The following CBLB variants were observed in gnomAD, a reference collection of about 807,000 sequenced individuals.
CBLB encodes E3 ubiquitin-protein ligase CBL-B.
A neutral mutation model predicts 104.9 loss-of-function variants in CBLB; 31 were observed. That is an observed-to-expected ratio of 0.30 (90% CI 0.22 to 0.40). CBLB has a LOEUF of 0.40. Among genes scored for constraint, CBLB ranks in the 10% least tolerant of loss-of-function variants. CBLB has a pLI of 1.00. For synonymous variants in CBLB, 440 were observed against 422.6 expected, an observed-to-expected ratio of 1.04 and a Z score of -0.51; for missense variants, 1,062 against 1,214.6, an observed-to-expected ratio of 0.87 and a Z score of 1.87.
intron 13 of CBLB, among the ~76,000 whole-genome samples, chr3:105,686,252 G>A (rs770225043): frequency 6.6e-6 from 1 of 152,034 alleles, no homozygotes; most frequent in Non-Finnish European, 1.5e-5. Flanking sequence ...AATGTTTTTC[G>A]TAACTGTTGC....
At chr3:105,835,312 T>C (rs2088293315) in intron 3 of CBLB, among the ~76,000 whole-genome samples, 1 of 152,176 alleles carries the variant, frequency 6.6e-6, no homozygotes, top group Non-Finnish European at 1.5e-5. Context: ...AACTGGATGT[T>C]GAATGATGTG....
chr3:105,783,195 A>G (rs2080505965), intron 3 of CBLB, among the ~76,000 whole-genome samples: 2 of 152,324 alleles, frequency 1.3e-5, no homozygotes, highest in Admixed American at 6.5e-5. Context: ...AAGATAAAGA[A>G]AAGGTTACTT....
intron 3 of CBLB, among the ~76,000 whole-genome samples, chr3:105,814,300 ATCAATATACC>A (rs2084717208): frequency 6.6e-6 from 1 of 152,224 alleles, no homozygotes; most frequent in Non-Finnish European, 1.5e-5. Context: ...AAGAGGATTT[ATCAATATACC>A]TAAATCATTA....
At chr3:105,783,119 T>C (rs1482457125) in intron 3 of CBLB, among the ~76,000 whole-genome samples, 1 of 152,242 alleles carries the variant, frequency 6.6e-6, no homozygotes, top group Non-Finnish European at 1.5e-5. Flanking sequence ...TTTTCTAGTA[T>C]CTTACATATT....
intron 9 of CBLB, among the ~76,000 whole-genome samples, chr3:105,721,835 T>C (rs2072879710): frequency 6.6e-6 from 1 of 152,058 alleles, no homozygotes; most frequent in Admixed American, 6.6e-5. Flanking sequence ...AAAAAGAGTA[T>C]TAAATTTAAA....
At chr3:105,780,660 GTTTTT>G (rs58640968) in intron 3 of CBLB, among the ~76,000 whole-genome samples, 4 of 94,036 alleles carry the variant, frequency 4.3e-5, no homozygotes, top group East Asian at 3.5e-4. Flanking sequence ...TTTGTTTTTT[GTTTTT>G]TTTTTTTTTT....
At chr3:105,841,243 C>A (rs1349499474) in intron 3 of CBLB, among the ~76,000 whole-genome samples, 1 of 149,668 alleles carries the variant, frequency 6.7e-6, no homozygotes, top group Non-Finnish European at 1.5e-5. Flanking sequence ...TTGCAGTGAG[C>A]CGAGATCGTG....
intron 3 of CBLB, among the ~76,000 whole-genome samples, chr3:105,844,568 TG>T (rs2089998842): frequency 6.6e-6 from 1 of 152,224 alleles, no homozygotes; most frequent in African/African-American, 2.4e-5. Context: ...AGCACATCTA[TG>T]AACCATTGAT....
At chr3:105,856,618 A>C (rs1047448852) in intron 2 of CBLB, among the ~76,000 whole-genome samples, 3 of 152,082 alleles carry the variant, frequency 2.0e-5, no homozygotes, top group Admixed American at 2.0e-4. Context: ...GTTTGATTGT[A>C]TTATTTCCTT....
intron 3 of CBLB, among the ~76,000 whole-genome samples, chr3:105,792,200 C>A (rs2081740307): frequency 6.6e-6 from 1 of 152,116 alleles, no homozygotes. Context: ...TTTAGCAGGA[C>A]CCTCAAAAGA....
At chr3:105,671,983 T>A (rs952614761) in intron 17 of CBLB, 3 of 191,408 alleles carry the variant, frequency 1.6e-5, no homozygotes, top group Non-Finnish European at 3.3e-5. Context: ...ATATGGTGAT[T>A]TCAGCATAAA....
chr3:105,811,032 C>T (rs112949923), intron 3 of CBLB, among the ~76,000 whole-genome samples: 172 of 152,210 alleles, frequency 1.1e-3, no homozygotes, highest in African/African-American at 4.0e-3. Context: ...AGAAGAAAAG[C>T]ATTAGCAGAT....
intron 3 of CBLB, among the ~76,000 whole-genome samples, chr3:105,841,461 T>C (rs1307903499): frequency 2.0e-5 from 3 of 151,730 alleles, no homozygotes; most frequent in African/African-American, 7.3e-5. Flanking sequence ...AAGATATATA[T>C]ATATTTTTTG....
chr3:105,722,597 C>A (rs1195211216), intron 9 of CBLB, among the ~76,000 whole-genome samples: 1 of 143,640 alleles, frequency 7.0e-6, no homozygotes, highest in East Asian at 2.0e-4. Flanking sequence ...TCCACCCAAT[C>A]GAAATCATGA....
intron 4 of CBLB, among the ~76,000 whole-genome samples, chr3:105,774,816 T>G (rs1229555718): frequency 4.6e-5 from 7 of 152,218 alleles, no homozygotes; most frequent in African/African-American, 1.7e-4. Context: ...AACAATTTTA[T>G]AACTCATCAG....
intron 3 of CBLB, among the ~76,000 whole-genome samples, chr3:105,778,376 T>C (rs2079737038): frequency 6.6e-6 from 1 of 152,168 alleles, no homozygotes; most frequent in Non-Finnish European, 1.5e-5. Context: ...GATCATTTAA[T>C]ATGCACCTGA....
chr3:105,700,157 A>C (rs1448979855), intron 12 of CBLB, among the ~76,000 whole-genome samples: 2 of 152,152 alleles, frequency 1.3e-5, no homozygotes, highest in Non-Finnish European at 2.9e-5. Context: ...TTAATAAAAT[A>C]AAAACAGTAT....
At chr3:105,811,714 CT>C (rs886104074) in intron 3 of CBLB, among the ~76,000 whole-genome samples, 127 of 146,868 alleles carry the variant, frequency 8.6e-4, no homozygotes, top group Admixed American at 8.2e-4. Flanking sequence ...AAATTACTTC[CT>C]TTTTTTTTTT....
intron 10 of CBLB, among the ~76,000 whole-genome samples, chr3:105,712,459 C>T (rs1354586407): frequency 6.6e-6 from 1 of 152,044 alleles, no homozygotes; most frequent in Non-Finnish European, 1.5e-5. Context: ...GAAACAAGAA[C>T]ATTCTGAGAA....
Sources: gnomAD v4.1 joint callset for allele counts (sites outside exome capture counted in the v4.1 genomes callset) on GRCh38, gnomAD v4.1.1 for gene constraint, MANE v1.5 for transcripts, NCBI Gene and HGNC (gene_info 2026-07-23, HGNC 2026-07-21) for gene names.